PAPPA2: variants seen among roughly 807,000 people sequenced by gnomAD.
PAPPA2 encodes the protein pappalysin 2, also known as pappalysin-2.
A neutral mutation model predicts 176.4 loss-of-function variants in PAPPA2; 86 were observed. That is an observed-to-expected ratio of 0.49 (90% confidence interval 0.41 to 0.58). The LOEUF is 0.58. Among genes scored for constraint, PAPPA2 ranks in the 20% least tolerant of loss-of-function variants. The pLI is 0.00. For synonymous variants in PAPPA2, 809 were observed against 852.2 expected, an observed-to-expected ratio of 0.95 and a Z score of 0.88; for missense variants, 2,073 against 2,256.9, an observed-to-expected ratio of 0.92 and a Z score of 1.65.
intron 1 of PAPPA2, among the ~76,000 whole-genome samples, chr1:176,477,838 A>T (rs566250202): frequency 6.6e-5 from 10 of 152,304 alleles, no homozygotes; most frequent in Non-Finnish European, 1.3e-4. Context: ...TTTATGACCC[A>T]CTAAAGGGGC....
chr1:176,493,318 A>AGTTAG (rs1354205605), intron 1 of PAPPA2, among the ~76,000 whole-genome samples: 1 of 152,218 alleles, frequency 6.6e-6, no homozygotes, highest in East Asian at 1.9e-4. Flanking sequence ...TTTCTAAGTA[A>AGTTAG]TGCTCTTAGA....
intron 6 of PAPPA2, among the ~76,000 whole-genome samples, chr1:176,693,921 G>A (rs1348252743): frequency 6.6e-6 from 1 of 152,136 alleles, no homozygotes; most frequent in Non-Finnish European, 1.5e-5. Flanking sequence ...TTTAATCTTT[G>A]AATTCTCTCT....
At chr1:176,803,348 T>A (rs1386327416) in intron 21 of PAPPA2, among the ~76,000 whole-genome samples, 1 of 152,188 alleles carries the variant, frequency 6.6e-6, no homozygotes, top group Non-Finnish European at 1.5e-5. Flanking sequence ...TATTAGCCAC[T>A]TCGTGAATGT....
intron 1 of PAPPA2, among the ~76,000 whole-genome samples, chr1:176,472,459 A>G (rs1430389339): frequency 1.3e-5 from 2 of 152,214 alleles, no homozygotes; most frequent in South Asian, 2.1e-4. Flanking sequence ...TTGCTATCTC[A>G]TATGACAAGT....
At chr1:176,551,137 C>T (rs137923210) in intron 1 of PAPPA2, among the ~76,000 whole-genome samples, 2 of 152,164 alleles carry the variant, frequency 1.3e-5, no homozygotes, top group Non-Finnish European at 2.9e-5. Flanking sequence ...TCACAAGTTA[C>T]CCCCGAAAGA....
At chr1:176,572,383 C>T (rs1652400148) in intron 2 of PAPPA2, among the ~76,000 whole-genome samples, 1 of 152,184 alleles carries the variant, frequency 6.6e-6, no homozygotes, top group Non-Finnish European at 1.5e-5. Context: ...TACACATCCT[C>T]TTTGAACACT....
At chr1:176,583,861 C>T (rs1195509282) in intron 2 of PAPPA2, among the ~76,000 whole-genome samples, 2 of 152,080 alleles carry the variant, frequency 1.3e-5, no homozygotes, top group African/African-American at 2.4e-5. Flanking sequence ...TTGAGACCAG[C>T]CTGGGCAACA....
intron 4 of PAPPA2, among the ~76,000 whole-genome samples, chr1:176,676,856 G>A (rs1659324643): frequency 6.6e-6 from 1 of 152,158 alleles, no homozygotes; most frequent in South Asian, 2.1e-4. Context: ...ATCATTGAAT[G>A]AAGGTATAGT....
At chr1:176,823,786 T>G (rs1240183170) in intron 21 of PAPPA2, among the ~76,000 whole-genome samples, 1 of 152,028 alleles carries the variant, frequency 6.6e-6, no homozygotes, top group Non-Finnish European at 1.5e-5. Flanking sequence ...CCATAATAAG[T>G]GAGGCAGAAC....
chr1:176,825,666 T>C (rs1393564331), intron 21 of PAPPA2, among the ~76,000 whole-genome samples: 3 of 152,230 alleles, frequency 2.0e-5, no homozygotes, highest in African/African-American at 7.2e-5. Flanking sequence ...CAGCTATCAA[T>C]AGAATCTAAG....
chr1:176,517,948 C>T (rs1649006112), intron 1 of PAPPA2, among the ~76,000 whole-genome samples: 1 of 152,066 alleles, frequency 6.6e-6, no homozygotes, highest in African/African-American at 2.4e-5. Context: ...AAGAGGACCT[C>T]AGGAAGAACC....
At chr1:176,494,519 T>C (rs1647488678) in intron 1 of PAPPA2, among the ~76,000 whole-genome samples, 1 of 152,200 alleles carries the variant, frequency 6.6e-6, no homozygotes, top group Admixed American at 6.5e-5. Flanking sequence ...AGCAAAACTT[T>C]TGGCATTTAA....
intron 1 of PAPPA2, among the ~76,000 whole-genome samples, chr1:176,470,758 C>T (rs1246696956): frequency 6.6e-6 from 1 of 152,190 alleles, no homozygotes; most frequent in East Asian, 1.9e-4. Flanking sequence ...ACAACAATTC[C>T]AAGAATACTT....
chr1:176,563,324 C>T (rs1651778102), intron 2 of PAPPA2, among the ~76,000 whole-genome samples: 1 of 152,126 alleles, frequency 6.6e-6, no homozygotes, highest in Admixed American at 6.5e-5. Flanking sequence ...GCTCCCTTTC[C>T]ACCTTCAATA....
At chr1:176,731,301 T>C (rs1231081331) in intron 12 of PAPPA2, among the ~76,000 whole-genome samples, 1 of 151,982 alleles carries the variant, frequency 6.6e-6, no homozygotes, top group Non-Finnish European at 1.5e-5. Context: ...TTGTACACTG[T>C]AAATATATAT....
chr1:176,564,495 G>T (rs1466402883), intron 2 of PAPPA2, among the ~76,000 whole-genome samples: 5 of 152,198 alleles, frequency 3.3e-5, no homozygotes, highest in African/African-American at 1.2e-4. Context: ...TTTCTCATGA[G>T]CAGTAGTTTG....
At chr1:176,636,530 C>T (rs1427645813) in intron 3 of PAPPA2, among the ~76,000 whole-genome samples, 2 of 152,086 alleles carry the variant, frequency 1.3e-5, no homozygotes, top group Non-Finnish European at 2.9e-5. Flanking sequence ...AATTAGTGGG[C>T]TGATATAACC....
chr1:176,696,489 T>C (rs759220496), intron 7 of PAPPA2, among the ~76,000 whole-genome samples: 2 of 152,134 alleles, frequency 1.3e-5, no homozygotes, highest in Non-Finnish European at 2.9e-5. Flanking sequence ...GGGGAAAATA[T>C]TTTTTGTTAT....
intron 21 of PAPPA2, among the ~76,000 whole-genome samples, chr1:176,812,222 G>T (rs1272300718): frequency 4.5e-4 from 37 of 82,972 alleles, no homozygotes; most frequent in Non-Finnish European, 6.9e-4. Flanking sequence ...TTTTTTTTTT[G>T]GGGGGAGGGT....
Sources: gnomAD v4.1 joint callset for allele counts (sites outside exome capture counted in the v4.1 genomes callset) on GRCh38, gnomAD v4.1.1 for gene constraint, MANE v1.5 for transcripts, NCBI Gene and HGNC (gene_info 2026-07-23, HGNC 2026-07-21) for gene names.